Variants in SAMD9L observed in about 807,000 individuals in gnomAD.
SAMD9L encodes the protein sterile alpha motif domain containing 9 like.
In SAMD9L, 68 loss-of-function variants were observed where a neutral mutation model predicts 90.7. That is an observed-to-expected ratio of 0.75 (90% CI 0.62 to 0.92). The LOEUF (loss-of-function observed/expected upper bound fraction) is 0.92, where lower values mean the gene tolerates loss of function less well. SAMD9L is among the 40% of genes least tolerant of loss of function. The pLI, the probability that SAMD9L is intolerant of heterozygous loss-of-function variation, is 0.00. For synonymous variants in SAMD9L, 640 were observed against 630.1 expected (o/e 1.02, Z -0.23); for missense variants, 1,604 against 1,824.3 (o/e 0.88, Z 2.20).
In SAMD9L at chr7:93,131,598, G is replaced by A; in HGVS notation, c.4374C>T (p.Ser1458=). 1 of 1,613,888 alleles carries A rather than the reference G, an allele frequency of 6.2e-7. No individual in the cohort carries two copies. The highest frequency in any genetic ancestry group is 8.5e-7 in the Non-Finnish European group (1 of 1,179,874). Reference sequence around the variant, plus strand: ...ACATGCGCTTGTACTGTCCCCTGAAGGATCTATTTAAGGATGAAACATACT... The same window carrying A: ...ACATGCGCTTGTACTGTCCCCTGAAAGATCTATTTAAGGATGAAACATACT... ...IEKYVSSLNR[S]FRGQYKRMCR... Residue 1458 remains serine, a synonymous_variant, in exon 5 of 5, where the codon TCC becomes TCT. Transcript: ENST00000318238.
intron 4 of SAMD9L, among the ~76,000 whole-genome samples, chr7:93,138,685 G>T (rs1372499712): frequency 1.3e-5 from 2 of 152,148 alleles, no homozygotes; most frequent in Non-Finnish European, 1.5e-5. Flanking sequence ...GGGTCTAAGG[G>T]GTATGACATA....
At position 93,133,595 on chromosome 7, in the gene SAMD9L, G is replaced by T. The variant is rs759841773; in HGVS notation, c.2377C>A (p.Gln793Lys). The change falls in exon 5 of 5, where the codon CAG (glutamine) becomes AAG (lysine). Residue 793 changes from glutamine to lysine, a missense_variant. Gln to Lys is a moderately conservative substitution (Grantham distance 53). This residue lies in a region of SAMD9L where 606 missense variants were observed against 717.6 expected (regional missense o/e 0.84). Coordinates refer to ENST00000318238, the MANE Select transcript of SAMD9L (RefSeq NM_152703.5). The stretch of plus-strand genomic sequence containing the variant: ...AGGAGAAGCACAGGAATGTAATCCT[G>T]ATGGCTCTTTGCCCTATAGGTGACC... ...NLVTYRAKSH[Q>K]DYIPVLLLVD... The T allele has an allele frequency of 1.9e-6, 3 of 1,613,798 alleles. No individual in the cohort carries two copies. The highest frequency in any genetic ancestry group is 2.5e-6 in the Non-Finnish European group (3 of 1,179,834).
intron 4 of SAMD9L, 117 bp from the exon 5 acceptor site, chr7:93,136,108 A>G: frequency 8.8e-6 from 6 of 678,948 alleles, no homozygotes; most frequent in Non-Finnish European, 1.3e-5. Flanking sequence ...TAATATTGCT[A>G]AAGGCTGACT....
At position 93,130,341 on chromosome 7, in the gene SAMD9L, A is replaced by C. The variant is rs1792032763; in HGVS notation, c.*876T>G. ...CTCTTGAAATCAGTTGTGAATGACA[A>C]ATCAGAATAGCAGGAGAGAGAATGT... On this transcript the variant is annotated 3_prime_UTR_variant, in exon 5 of 5. Coordinates refer to ENST00000318238, the MANE Select transcript of SAMD9L (RefSeq NM_152703.5). The C allele has an allele frequency of 6.6e-6, 1 of 152,212 alleles. No homozygotes were observed. 9.4% of individuals were successfully genotyped at this position (152,212 alleles called of 1,614,324 possible). A position where few individuals can be genotyped will look rare whatever the true frequency, so the allele number is the denominator to read the frequency against.
chr7:93,135,200 C>A lies in SAMD9L; in HGVS notation c.772G>T (p.Ala258Ser). The stretch of plus-strand genomic sequence containing the variant: ...ACATTGAAGTGGTCAATGAAGGCAG[C>A]CTTACTGGTGATTTTCACACCAACA... ...EIVGVKITSK[A>S]AFIDHFNVMI... Residue 258 changes from alanine (A) to serine (S), a missense_variant, in exon 5 of 5, where the codon GCT becomes TCT. Physicochemically the swap from Ala to Ser is moderately conservative, Grantham distance 99. Around this residue, in one of 7 missense-constraint regions of SAMD9L, gnomAD observed 374 missense variants for 363.6 expected, o/e 1.03. Coordinates refer to ENST00000318238, the MANE Select transcript of SAMD9L (RefSeq NM_152703.5). 6.8e-6 allele frequency: 11 copies of A among 1,613,980 alleles called. No individual in the cohort carries two copies. Among genetic ancestry groups the A allele is most frequent in the Non-Finnish European group, 9.3e-6 (11 of 1,179,966 alleles).
chr7:93,136,828 T>A (rs532379037), intron 4 of SAMD9L, among the ~76,000 whole-genome samples: 1 of 152,114 alleles, frequency 6.6e-6, no homozygotes, highest in Admixed American at 6.6e-5. Flanking sequence ...CATTAGTTGG[T>A]TGAGGGAGTG....
At chr7:93,140,709 T>C (rs1299655870) in intron 4 of SAMD9L, among the ~76,000 whole-genome samples, 1 of 152,178 alleles carries the variant, frequency 6.6e-6, no homozygotes, top group African/African-American at 2.4e-5. Context: ...TGTTACTACA[T>C]CATATGTTAG....
chr7:93,135,298 G>A lies in SAMD9L; in HGVS notation c.674C>T (p.Ala225Val). 1 of 1,614,130 alleles carries A rather than the reference G, an allele frequency of 6.2e-7. No homozygotes were observed. Among genetic ancestry groups the A allele is most frequent in the Admixed American group, 1.7e-5 (1 of 60,022 alleles). ...GGTGCGTGAATTCATACAAGCTGAT[G>A]CAAATCGGAAGACTTCATTGCTGAA... ...MKFSNEVFRFASACMNSRTNG... is the reference protein window; with the variant it reads ...MKFSNEVFRFVSACMNSRTNG... The change falls in exon 5 of 5, where the codon GCA (alanine) becomes GTA (valine). Residue 225 changes from alanine to valine, a missense_variant. This residue lies in a region of SAMD9L where 374 missense variants were observed against 363.6 expected (regional missense o/e 1.03). Transcript: ENST00000318238.
At chr7:93,137,718 G>A (rs1792509671) in intron 4 of SAMD9L, among the ~76,000 whole-genome samples, 1 of 143,912 alleles carries the variant, frequency 6.9e-6, no homozygotes, top group South Asian at 2.3e-4. Context: ...AGGTTCCTTA[G>A]GTTTAAGGAA....
chr7:93,136,992 C>T (rs956485909), intron 4 of SAMD9L, among the ~76,000 whole-genome samples: 2 of 152,076 alleles, frequency 1.3e-5, no homozygotes. Flanking sequence ...AATTCTCAGG[C>T]CCCCACTTAG....
intron 4 of SAMD9L, among the ~76,000 whole-genome samples, chr7:93,138,584 T>C (rs1213748507): frequency 1.3e-5 from 2 of 152,146 alleles, no homozygotes; most frequent in Admixed American, 6.6e-5. Context: ...GCTGGAGTCA[T>C]GTGGGAGGCA....
Position 93,132,436 on chromosome 7 carries a change from T to A in SAMD9L, c.3536A>T (p.Asn1179Ile). Reference protein sequence around the residue: ...QTDSKNYETENWSPQKSQRRY... With the variant: ...QTDSKNYETEIWSPQKSQRRY... ...TCTCTGGGACTTCTGTGGTGACCAGTTCTCGGTTTCATAGTTTTTACTATC... is the reference window on the plus strand; with the variant it reads ...TCTCTGGGACTTCTGTGGTGACCAGATCTCGGTTTCATAGTTTTTACTATC... Residue 1179 changes from asparagine (N) to isoleucine (I), a missense_variant, in exon 5 of 5, where the codon AAC becomes ATC. Physicochemically the swap from Asn to Ile is moderately radical, Grantham distance 149. Transcript: ENST00000318238. The A allele has an allele frequency of 6.2e-7, 1 of 1,613,614 alleles. No homozygotes were observed. Among genetic ancestry groups the A allele is most frequent in the Non-Finnish European group, 8.5e-7 (1 of 1,179,794 alleles).
chr7:93,145,495 A>G lies in SAMD9L; in HGVS notation c.-233T>C, dbSNP rs985117944. On this transcript the variant is annotated 5_prime_UTR_variant, in exon 3 of 5. Transcript: ENST00000318238. ...AGTTCCCCTTTCTTGATAATTTGCA[A>G]GAGTCACGTTCTGGAAAGCAGCTAT... The G allele has an allele frequency of 1.3e-5, 2 of 152,186 alleles. No individual in the cohort carries two copies. The highest frequency in any genetic ancestry group is 4.8e-5 in the African/African-American group (2 of 41,446). 9.4% of individuals were successfully genotyped at this position (152,186 alleles called of 1,614,324 possible).
chr7:93,131,211 A>G lies in SAMD9L; in HGVS notation c.*6T>C. The G allele has an allele frequency of 7.0e-7, 1 of 1,434,692 alleles. No individual in the cohort carries two copies. The highest frequency in any genetic ancestry group is 9.4e-7 in the Non-Finnish European group (1 of 1,062,080). The allele number at this position is 1,434,692 out of a possible 1,614,324, so 88.9% of individuals were successfully genotyped here. A position where few individuals can be genotyped will look rare whatever the true frequency, so the allele number is the denominator to read the frequency against. On this transcript the variant is annotated 3_prime_UTR_variant, in exon 5 of 5. Coordinates refer to ENST00000318238, the MANE Select transcript of SAMD9L (RefSeq NM_152703.5). ...AACGTATTTGAACTACAGGTGATGT[A>G]TTGTCTTAAATTACTTCTATATCAT...
chr7:93,140,113 G>A (rs1422809243), intron 4 of SAMD9L, among the ~76,000 whole-genome samples: 2 of 152,106 alleles, frequency 1.3e-5, no homozygotes, highest in African/African-American at 4.8e-5. Flanking sequence ...TCCATACCCT[G>A]ACTGGAACAT....
In SAMD9L at chr7:93,133,098, T is replaced by G; in HGVS notation, c.2874A>C (p.Glu958Asp). ...AAGTTCCCATCTTGTCTTCTAAGCTTTCAGGTTCCCAGGGTGTACTAGTGT... is the reference window on the plus strand; with the variant it reads ...AAGTTCCCATCTTGTCTTCTAAGCTGTCAGGTTCCCAGGGTGTACTAGTGT... ...IIYTSTPWEPESLEDKMGTYS... is the reference protein window; with the variant it reads ...IIYTSTPWEPDSLEDKMGTYS... The change falls in exon 5 of 5, where the codon GAA (glutamate) becomes GAC (aspartate). Residue 958 changes from glutamate to aspartate, a missense_variant. Around this residue, in one of 7 missense-constraint regions of SAMD9L, gnomAD observed 606 missense variants for 717.6 expected, o/e 0.84. Coordinates refer to ENST00000318238, the MANE Select transcript of SAMD9L (RefSeq NM_152703.5). 6.2e-7 allele frequency: 1 copy of G among 1,612,926 alleles called. No homozygotes were observed.
chr7:93,134,538 A>T lies in SAMD9L; in HGVS notation c.1434T>A (p.Thr478=). The T allele has an allele frequency of 6.2e-7, 1 of 1,613,932 alleles. No individual in the cohort carries two copies. Among genetic ancestry groups the T allele is most frequent in the Non-Finnish European group, 8.5e-7 (1 of 1,179,896 alleles). Residue 478 remains threonine (T), a synonymous_variant, in exon 5 of 5, where the codon ACT becomes ACA. Coordinates refer to ENST00000318238, the MANE Select transcript of SAMD9L (RefSeq NM_152703.5). ...GAGTAGAAATCTTCTCCCACATGTTAGTTGTCTTGTCTTCATATTGATTTG... is the reference window on the plus strand; with the variant it reads ...GAGTAGAAATCTTCTCCCACATGTTTGTTGTCTTGTCTTCATATTGATTTG... ...HFPNQYEDKT[T]NMWEKISTLN...
At chr7:93,138,960 A>G (rs183190131) in intron 4 of SAMD9L, among the ~76,000 whole-genome samples, 23 of 152,278 alleles carry the variant, frequency 1.5e-4, no homozygotes. Context: ...TTTTGAAGTC[A>G]TTACATATGA....
In SAMD9L at chr7:93,147,053, C is replaced by T. The variant is rs1189716644; in HGVS notation, c.-949G>A. 1 of 152,204 alleles carries T rather than the reference C, an allele frequency of 6.6e-6. No individual in the cohort carries two copies. The highest frequency in any genetic ancestry group is 1.5e-5 in the Non-Finnish European group (1 of 68,044). The allele number at this position is 152,204 out of a possible 1,614,324, so 9.4% of individuals were successfully genotyped here. ...TCTTCTGGCAAGGGGCTTACACTTTCCACAGACACAGTCTGCTCGGGTGAG... is the reference window on the plus strand; with the variant it reads ...TCTTCTGGCAAGGGGCTTACACTTTTCACAGACACAGTCTGCTCGGGTGAG... On this transcript the variant is annotated 5_prime_UTR_variant, in exon 2 of 5. Coordinates refer to ENST00000318238, the MANE Select transcript of SAMD9L (RefSeq NM_152703.5).
Sources: gnomAD v4.1 joint callset for allele counts (sites outside exome capture counted in the v4.1 genomes callset) on GRCh38, gnomAD v4.1.1 for gene constraint, gnomAD v4.1.1 regional missense constraint, MANE v1.5 for transcripts, NCBI Gene and HGNC (gene_info 2026-07-23, HGNC 2026-07-21) for gene names.